PARD3B: variants seen among roughly 807,000 people sequenced by gnomAD.
PARD3B encodes partitioning defective 3 homolog B.
Under a neutral mutation model 130.2 loss-of-function variants are expected in PARD3B, and 103 were observed. The observed-to-expected ratio is 0.79, with a 90% CI of 0.67 to 0.93. The LOEUF is 0.93. Among genes scored for constraint, PARD3B ranks in the 40% least tolerant of loss-of-function variants. The probability of loss-of-function intolerance (pLI) is 0.00; values close to 1 mark genes in which losing one functional copy is unlikely to be tolerated. For missense variants in PARD3B, 1,609 were observed against 1,499.2 expected, an observed-to-expected ratio of 1.07 and a Z score of -1.21; for synonymous variants, 583 against 553.2, an observed-to-expected ratio of 1.05 and a Z score of -0.76.
At chr2:204,655,917 C>T (rs1338449410) in intron 1 of PARD3B, among the ~76,000 whole-genome samples, 1 of 152,048 alleles carries the variant, frequency 6.6e-6, no homozygotes, top group Non-Finnish European at 1.5e-5. Flanking sequence ...TGGGCCCTTT[C>T]AGGTATTTTG....
At position 205,183,276 on chromosome 2, in the gene PARD3B, G is replaced by C. The variant is rs115890122; in HGVS notation, c.1925-2488G>C. Among the ~76,000 whole-genome samples the C allele has an allele frequency of 6.6e-6, 1 of 152,086 alleles. No individual in the cohort carries two copies. Among genetic ancestry groups the C allele is most frequent in the African/African-American group, 2.4e-5 (1 of 41,392 alleles). On this transcript the variant is annotated intron_variant, in intron 13 of 22. Coordinates refer to ENST00000406610, the MANE Select transcript of PARD3B (RefSeq NM_001302769.2). The surrounding 1 kb of genome is among the most constrained non-coding windows in gnomAD (Gnocchi z 5.2). The stretch of plus-strand genomic sequence containing the variant: ...TGCCAGGATCATAGACCTTTATTCC[G>C]TAGGCAATGTGTGCAGCTGAAGTGA...
At chr2:204,976,197 T>G (rs1368911728) in intron 3 of PARD3B, among the ~76,000 whole-genome samples, 1 of 152,200 alleles carries the variant, frequency 6.6e-6, no homozygotes, top group Non-Finnish European at 1.5e-5. Flanking sequence ...ATGGAATGTT[T>G]CCAAAAGAAA....
In PARD3B at chr2:205,309,049, T is replaced by A. The variant is rs957311361; in HGVS notation, c.2630+7348T>A. On this transcript the variant is annotated intron_variant, in intron 18 of 22. Transcript: ENST00000406610. The surrounding 1 kb of genome is among the most constrained non-coding windows in gnomAD (Gnocchi z 4.7). ...AGCACACTATGGTACTAAAGCCAAATCACTTTATGCCTGCTTTTGTTTTCT... is the reference window on the plus strand; with the variant it reads ...AGCACACTATGGTACTAAAGCCAAAACACTTTATGCCTGCTTTTGTTTTCT... Among the ~76,000 whole-genome samples the A allele has an allele frequency of 2.0e-5, 3 of 151,608 alleles. No homozygotes were observed. The highest frequency in any genetic ancestry group is 4.4e-5 in the Non-Finnish European group (3 of 67,932).
At chr2:204,563,253 CTCTCTCTCTCTCTT>C (rs1300158044) in intron 1 of PARD3B, among the ~76,000 whole-genome samples, 6 of 149,434 alleles carry the variant, frequency 4.0e-5, no homozygotes, top group Non-Finnish European at 7.4e-5. Flanking sequence ...CTCTCTCTCT[CTCTCTCTCTCTCTT>C]TCTCTCTTCT....
chr2:205,512,085 T>C (rs1199297983), intron 21 of PARD3B, among the ~76,000 whole-genome samples: 2 of 152,160 alleles, frequency 1.3e-5, no homozygotes, highest in African/African-American at 4.8e-5. Context: ...ATGAGAATGA[T>C]CACTACGGTA....
intron 1 of PARD3B, among the ~76,000 whole-genome samples, chr2:204,615,469 G>T (rs1045603288): frequency 6.6e-6 from 1 of 152,100 alleles, no homozygotes; most frequent in Non-Finnish European, 1.5e-5. Flanking sequence ...ACATCTCATT[G>T]TACAGTATTA....
chr2:204,574,762 G>A (rs908458810), intron 1 of PARD3B, among the ~76,000 whole-genome samples: 1 of 152,156 alleles, frequency 6.6e-6, no homozygotes, highest in East Asian at 1.9e-4. Flanking sequence ...TGTGTCTTCT[G>A]TATCATGTCT....
chr2:205,344,665 G>A (rs2043682254), intron 18 of PARD3B, among the ~76,000 whole-genome samples: 1 of 152,098 alleles, frequency 6.6e-6, no homozygotes, highest in African/African-American at 2.4e-5. Context: ...CTCACCCAGG[G>A]GTACATACTG....
chr2:205,102,794 G>A (rs1183905442), intron 4 of PARD3B, among the ~76,000 whole-genome samples: 2 of 152,044 alleles, frequency 1.3e-5, no homozygotes, highest in East Asian at 1.9e-4. Context: ...GGCTGGGCGC[G>A]GTGGCTCAAG....
rs1215050490 is a variant in PARD3B, at chr2:205,341,151, A to G, written c.2630+39450A>G. On this transcript the variant is annotated intron_variant, in intron 18 of 22. Transcript: ENST00000406610. The surrounding 1 kb of genome is among the most constrained non-coding windows in gnomAD (Gnocchi z 4.3). The stretch of plus-strand genomic sequence containing the variant: ...TCTTAGACACTGTTGGTGGGGATGT[A>G]AATTAGTAGAACCATTATGGGAAAC... Among the ~76,000 whole-genome samples, 1 of 152,172 alleles carries G rather than the reference A, an allele frequency of 6.6e-6. No individual in the cohort carries two copies. The highest frequency in any genetic ancestry group is 2.4e-5 in the African/African-American group (1 of 41,456).
rs909985688 is a variant in PARD3B at position 204,780,568 on chromosome 2, T to C, written c.222+94286T>C. Reference sequence around the variant, plus strand: ...CCCCACACTAGTTCTGTTTATTTGTTATGAAGCTTTCTCACAAACAATCTC... The same window carrying C: ...CCCCACACTAGTTCTGTTTATTTGTCATGAAGCTTTCTCACAAACAATCTC... On this transcript the variant is annotated intron_variant, in intron 2 of 22. Transcript: ENST00000406610. Among the ~76,000 whole-genome samples, 7 of 152,302 alleles carry C rather than the reference T, an allele frequency of 4.6e-5. No homozygotes were observed. In the East Asian group the frequency reaches 1.2e-3, roughly 25 times the overall value.
At chr2:204,711,297 T>G (rs1288914795) in intron 2 of PARD3B, among the ~76,000 whole-genome samples, 1 of 152,144 alleles carries the variant, frequency 6.6e-6, no homozygotes, top group East Asian at 1.9e-4. Flanking sequence ...TGAAGAAAAA[T>G]GAAATGACTG....
Position 205,585,018 on chromosome 2 carries a change from C to T in PARD3B, c.3261-30438C>T, listed in dbSNP as rs924535371. On this transcript the variant is annotated intron_variant, in intron 22 of 22. Coordinates refer to ENST00000406610, the MANE Select transcript of PARD3B (RefSeq NM_001302769.2). The surrounding 1 kb of genome is among the most constrained non-coding windows in gnomAD (Gnocchi z 5.4). ...CGCCCACAAATGACCGTTTGACAGG[C>T]ACCACTCATTGTGCACACCCGCTGA... Among the ~76,000 whole-genome samples, 7 of 152,194 alleles carry T rather than the reference C, an allele frequency of 4.6e-5. No homozygotes were observed. Among genetic ancestry groups the T allele is most frequent in the African/African-American group, 7.2e-5 (3 of 41,452 alleles).
intron 5 of PARD3B, among the ~76,000 whole-genome samples, chr2:205,110,360 A>G (rs1407165162): frequency 6.6e-6 from 1 of 152,204 alleles, no homozygotes; most frequent in Non-Finnish European, 1.5e-5. Context: ...TGACAGTCTC[A>G]TTTTTAGACC....
chr2:205,233,057 A>G (rs914159815), intron 15 of PARD3B, among the ~76,000 whole-genome samples: 3 of 152,206 alleles, frequency 2.0e-5, no homozygotes, highest in Non-Finnish European at 4.4e-5. Flanking sequence ...TACAGACACA[A>G]AAAATGAGGA....
rs2035291993 is a variant in PARD3B, at chr2:205,173,470, G to A, written c.1791+1089G>A. ...CTGTTTTATCCCTTAATGTGTCCTT[G>A]GTTTCCGCATGTAGTAGATGCTTGA... On this transcript the variant is annotated intron_variant, in intron 12 of 22. Coordinates refer to ENST00000406610, the MANE Select transcript of PARD3B (RefSeq NM_001302769.2). Among the ~76,000 whole-genome samples, 3 of 152,140 alleles carry A rather than the reference G, an allele frequency of 2.0e-5. No homozygotes were observed. In the South Asian group the frequency reaches 6.2e-4, roughly 31 times the overall value.
chr2:204,758,063 T>G (rs953207386), intron 2 of PARD3B, among the ~76,000 whole-genome samples: 3 of 152,156 alleles, frequency 2.0e-5, no homozygotes, highest in African/African-American at 7.2e-5. Flanking sequence ...CTTTGTTCAG[T>G]TGGGGCCACA....
Position 205,156,235 on chromosome 2 carries a change from G to A in PARD3B, c.1435-2487G>A, listed in dbSNP as rs1246330836. On this transcript the variant is annotated intron_variant, in intron 10 of 22. Coordinates refer to ENST00000406610, the MANE Select transcript of PARD3B (RefSeq NM_001302769.2). ...AATGAGAACACATGGACACAGGAAG[G>A]GGAACATCACACTCTGGGGACTGTT... Among the ~76,000 whole-genome samples the A allele has an allele frequency of 2.1e-4, 27 of 129,432 alleles. No homozygotes were observed. In the South Asian group the frequency reaches 3.7e-3, roughly 18 times the overall value. 84.9% of individuals were successfully genotyped at this position (129,432 alleles called of 152,430 possible).
chr2:205,300,795 G>A lies in PARD3B; in HGVS notation c.2392+59G>A, dbSNP rs988770199. ...ATCTCATTATTATCTGCAAATCATG[G>A]GCAAGAATGTGTGCTCAACTACAGA... On this transcript the variant is annotated intron_variant, in intron 17 of 22. Transcript: ENST00000406610. The surrounding 1 kb of genome is among the most constrained non-coding windows in gnomAD (Gnocchi z 4.1). 2.0e-6 allele frequency: 3 copies of A among 1,502,962 alleles called. No individual in the cohort carries two copies. Among genetic ancestry groups the A allele is most frequent in the African/African-American group, 2.8e-5 (2 of 72,078 alleles). The allele number at this position is 1,502,962 out of a possible 1,614,324, so 93.1% of individuals were successfully genotyped here. A position where few individuals can be genotyped will look rare whatever the true frequency, so the allele number is the denominator to read the frequency against.
Sources: gnomAD v4.1 joint callset for allele counts (sites outside exome capture counted in the v4.1 genomes callset) on GRCh38, gnomAD v4.1.1 for gene constraint, Gnocchi (gnomAD v3.1) non-coding constraint, MANE v1.5 for transcripts, NCBI Gene and HGNC (gene_info 2026-07-23, HGNC 2026-07-21) for gene names.